CD9: variants seen among roughly 807,000 people sequenced by gnomAD.
CD9 encodes the protein CD9 antigen.
A neutral mutation model predicts 31.4 loss-of-function variants in CD9; 10 were observed. The ratio of observed to expected loss-of-function variants is 0.32; its 90% CI spans 0.20 to 0.54. The LOEUF (loss-of-function observed/expected upper bound fraction) is 0.54. Among genes scored for constraint, CD9 ranks in the 20% least tolerant of loss-of-function variants. The probability of loss-of-function intolerance (pLI) is 0.94; values close to 1 mark genes in which losing one functional copy is unlikely to be tolerated. For synonymous variants in CD9, 113 were observed against 114.1 expected, an observed-to-expected ratio of 0.99 and a Z score of 0.06; for missense variants, 259 against 300.1, an observed-to-expected ratio of 0.86 and a Z score of 1.01.
At chr12:6,201,611 C>G (rs2136595229) in intron 1 of CD9, among the ~76,000 whole-genome samples, 1 of 152,364 alleles carries the variant, frequency 6.6e-6, no homozygotes, top group African/African-American at 2.4e-5. Context: ...CCCTTGTGTC[C>G]TTGTTTCTAT....
chr12:6,219,128 C>T (rs1946268815), intron 1 of CD9, among the ~76,000 whole-genome samples: 1 of 152,088 alleles, frequency 6.6e-6, no homozygotes, highest in African/African-American at 2.4e-5. Context: ...GCCTCAGCCT[C>T]CCAAGTAATT....
intron 1 of CD9, among the ~76,000 whole-genome samples, chr12:6,211,090 C>T (rs1199142317): frequency 6.6e-6 from 1 of 152,190 alleles, no homozygotes; most frequent in African/African-American, 2.4e-5. Context: ...CCCGCCTTGG[C>T]CTCCCAAAGT....
chr12:6,219,594 TCCTGCCTCAG>T (rs1946273720), intron 1 of CD9, among the ~76,000 whole-genome samples: 1 of 151,816 alleles, frequency 6.6e-6, no homozygotes, highest in Non-Finnish European at 1.5e-5. Context: ...CACTCCATTC[TCCTGCCTCAG>T]CCTCCCAAGT....
rs190306884 is a variant in CD9 at position 6,228,690 on chromosome 12, G to A, written c.175+3156G>A. ...TCCATGGGCAAAGGGCCAAGGAGGC[G>A]TCGCTCTGTGTCCCCTTCCCCACGA... On this transcript the variant is annotated intron_variant, in intron 2 of 7. Coordinates refer to ENST00000009180, the MANE Select transcript of CD9 (RefSeq NM_001769.4). Among the ~76,000 whole-genome samples the A allele has an allele frequency of 9.3e-4, 142 of 152,274 alleles. 1 individual carries two copies. Among genetic ancestry groups the A allele is most frequent in the Non-Finnish European group, 1.7e-3 (116 of 68,024 alleles).
At chr12:6,208,671 A>G (rs1946159466) in intron 1 of CD9, among the ~76,000 whole-genome samples, 1 of 151,732 alleles carries the variant, frequency 6.6e-6, no homozygotes, top group African/African-American at 2.4e-5. Flanking sequence ...TCCTGAGTTC[A>G]AGCCATTCTC....
Position 6,202,203 on chromosome 12 carries a change from G to T in CD9, c.66+1638G>T, listed in dbSNP as rs551711034. Among the ~76,000 whole-genome samples, 3 of 152,268 alleles carry T rather than the reference G, an allele frequency of 2.0e-5. No homozygotes were observed. The East Asian group carries it at 5.8e-4, about 29-fold the overall frequency. On this transcript the variant is annotated intron_variant, in intron 1 of 7. Coordinates refer to ENST00000009180, the MANE Select transcript of CD9 (RefSeq NM_001769.4). The stretch of plus-strand genomic sequence containing the variant: ...GAGACTGACTTCCCCCAGTGCATCA[G>T]TCACCATAACACACACCCCAGTGAG...
intron 1 of CD9, among the ~76,000 whole-genome samples, chr12:6,207,220 CCT>C (rs997637412): frequency 1.3e-5 from 2 of 152,192 alleles, no homozygotes; most frequent in African/African-American, 4.8e-5. Flanking sequence ...GGTTTTTCTC[CCT>C]CAGTTTCCAG....
At chr12:6,220,119 C>T (rs1167101106) in intron 1 of CD9, among the ~76,000 whole-genome samples, 1 of 152,058 alleles carries the variant, frequency 6.6e-6, no homozygotes, top group Non-Finnish European at 1.5e-5. Flanking sequence ...AGGATGGATG[C>T]GACACTGGCC....
rs368377748 is a variant in CD9 at position 6,209,604 on chromosome 12, C to G, written c.66+9039C>G. Among the ~76,000 whole-genome samples the G allele has an allele frequency of 2.0e-4, 31 of 152,106 alleles. No homozygotes were observed. In the East Asian group the frequency reaches 5.4e-3, roughly 26 times the overall value. On this transcript the variant is annotated intron_variant, in intron 1 of 7. Transcript: ENST00000009180. ...CCTGAGAAAATCTCTTCATACTCTC[C>G]TTTCCTCCTCTCTAGTCAAATTGTA...
At chr12:6,233,279 CT>C (rs1157897816) in intron 3 of CD9, 132 bp from the exon 4 acceptor site, 1 of 698,494 alleles carries the variant, frequency 1.4e-6, no homozygotes, top group African/African-American at 1.8e-5. Flanking sequence ...CCTGCCCCTG[CT>C]AGGCTATTCA....
At chr12:6,225,260 A>G (rs935376001) in intron 1 of CD9, 166 bp from the exon 2 acceptor site, 1 of 597,646 alleles carries the variant, frequency 1.7e-6, no homozygotes, top group South Asian at 2.1e-5. Flanking sequence ...TAGTACCTGC[A>G]TGAATCAAAC....
intron 1 of CD9, among the ~76,000 whole-genome samples, chr12:6,213,672 A>C (rs547505630): frequency 2.0e-4 from 31 of 152,324 alleles, no homozygotes; most frequent in South Asian, 8.3e-4. Context: ...ACCAGGTCCC[A>C]GAGAGATGCA....
intron 1 of CD9, among the ~76,000 whole-genome samples, chr12:6,211,596 A>G (rs747555480): frequency 1.7e-4 from 26 of 152,252 alleles, no homozygotes; most frequent in Non-Finnish European, 3.7e-4. Flanking sequence ...AGCTGCTGCA[A>G]GTGGCTAGAG....
intron 2 of CD9, chr12:6,225,754 A>G (rs1946357084): frequency 5.3e-6 from 3 of 564,766 alleles, no homozygotes; most frequent in Middle Eastern, 4.8e-4. Flanking sequence ...CTGATGGCCA[A>G]GTCAGGCATG....
chr12:6,209,728 AG>A (rs1403663816), intron 1 of CD9, among the ~76,000 whole-genome samples: 1 of 140,434 alleles, frequency 7.1e-6, no homozygotes, highest in Non-Finnish European at 1.5e-5. Context: ...TCTGTTGCCC[AG>A]GCTGGAGTGT....
chr12:6,233,047 T>G (rs1946470543), intron 3 of CD9: 1 of 702,392 alleles, frequency 1.4e-6, no homozygotes. Context: ...TCTGTTTTGG[T>G]CTTTTCCGAA....
At chr12:6,206,389 A>G (rs1187487210) in intron 1 of CD9, among the ~76,000 whole-genome samples, 1 of 152,018 alleles carries the variant, frequency 6.6e-6, no homozygotes, top group African/African-American at 2.4e-5. Flanking sequence ...CACCCAGCTA[A>G]CCTTTTAATT....
rs1457417160 is a variant in CD9, at chr12:6,235,237, G to C, written c.357G>C (p.Lys119Asn). 6.2e-7 allele frequency: 1 copy of C among 1,605,008 alleles called. No individual in the cohort carries two copies. Among genetic ancestry groups the C allele is most frequent in the East Asian group, 2.2e-5 (1 of 44,586 alleles). Residue 119 changes from lysine (K) to asparagine (N), a missense_variant, in exon 5 of 8, where the codon AAG becomes AAC. By Grantham distance (94) the Lys-to-Asn change is moderately conservative. Coordinates refer to ENST00000009180, the MANE Select transcript of CD9 (RefSeq NM_001769.4). ...TCGTCTGCCCATTGTAGGTGATTAA[G>C]GAAGTCCAGGAGTTTTACAAGGACA... is the stretch of plus-strand genomic sequence containing the variant. The part of the protein sequence containing the change: ...WGYSHKDEVI[K>N]EVQEFYKDTY...
At position 6,232,369 on chromosome 12, in the gene CD9, C is replaced by T. The variant is rs1946456761; in HGVS notation, c.176-263C>T. On this transcript the variant is annotated intron_variant, in intron 2 of 7. Coordinates refer to ENST00000009180, the MANE Select transcript of CD9 (RefSeq NM_001769.4). This position sits in a 1 kb window ranked among gnomAD's most constrained non-coding sequence, Gnocchi z 4.8. Reference sequence around the variant, plus strand: ...CTGTCCTGGATTGAGGGCTAATGGGCACCTTCCAGAAGGGCTGAGGGTAAG... The same window carrying T: ...CTGTCCTGGATTGAGGGCTAATGGGTACCTTCCAGAAGGGCTGAGGGTAAG... The T allele has an allele frequency of 1.8e-6, 1 of 555,114 alleles. No homozygotes were observed. The highest frequency in any genetic ancestry group is 2.0e-5 in the South Asian group (1 of 49,856). The allele number at this position is 555,114 out of a possible 1,614,324, so 34.4% of individuals were successfully genotyped here.
Sources: gnomAD v4.1 joint callset for allele counts (sites outside exome capture counted in the v4.1 genomes callset) on GRCh38, gnomAD v4.1.1 for gene constraint, Gnocchi (gnomAD v3.1) non-coding constraint, MANE v1.5 for transcripts, NCBI Gene and HGNC (gene_info 2026-07-23, HGNC 2026-07-21) for gene names.